Variants in BICDL2 observed in about 807,000 individuals in gnomAD.
BICDL2 encodes BICD family like cargo adaptor 2.
Under a neutral mutation model 56.6 loss-of-function variants are expected in BICDL2, and 62 were observed. That is an observed-to-expected ratio of 1.10 (90% CI 0.89 to 1.35). BICDL2 has a LOEUF of 1.35. Ranked by LOEUF, BICDL2 falls within the 40% of genes most tolerant of loss-of-function variation. The pLI, the probability that BICDL2 is intolerant of heterozygous loss-of-function variation, is 0.00. For missense variants in BICDL2, 808 were observed against 684.5 expected (o/e 1.18, Z -2.01); for synonymous variants, 358 against 319.8 (o/e 1.12, Z -1.27).
chr16:3,033,896 G>A (rs756861916), intron 2 of BICDL2, among the ~76,000 whole-genome samples: 5 of 152,176 alleles, frequency 3.3e-5, no homozygotes, highest in East Asian at 1.9e-4. Flanking sequence ...GCATGGAATC[G>A]AGTGCGTGGA....
Position 3,028,849 on chromosome 16 carries a change from G to A in BICDL2, c.1108-19C>T. On this transcript the variant is annotated intron_variant, in intron 7 of 9. Transcript: ENST00000572449. ...GCGAGATCTGTGAGCAGAGGAGGGG[G>A]GCCGTGCGGCAGATGGGCCAATGGG... is the stretch of plus-strand genomic sequence containing the variant. 6.5e-7 allele frequency: 1 copy of A among 1,532,932 alleles called. No individual in the cohort carries two copies. The highest frequency in any genetic ancestry group is 8.7e-7 in the Non-Finnish European group (1 of 1,142,876). The allele number at this position is 1,532,932 out of a possible 1,614,324, so 95.0% of individuals were successfully genotyped here.
At chr16:3,035,176 T>TTGCCCCGGGGGGGGGGGGGGGGG in intron 2 of BICDL2, 39 bp downstream of exon 2, 1 of 136,272 alleles carries the variant, frequency 7.3e-6, no homozygotes, top group Non-Finnish European at 1.4e-5. Context: ...CGTCCTCCCC[T>TTGCCCCGGGGGGGGGGGGGGGGG]GCCCACCCAC....
chr16:3,029,177 C>T, intron 7 of BICDL2, 103 bp downstream of exon 7: 2 of 1,424,608 alleles, frequency 1.4e-6, no homozygotes, highest in Non-Finnish European at 1.9e-6. Flanking sequence ...AAAGCCGATC[C>T]AGGTATAGGG....
At chr16:3,028,493 C>T (rs765589506) in intron 8 of BICDL2, 25 bp from the exon 9 acceptor site, 11 of 1,568,828 alleles carry the variant, frequency 7.0e-6, no homozygotes, top group East Asian at 2.3e-5. Context: ...GCAGAAGACG[C>T]GTTTGAGGGC....
Position 3,028,343 on chromosome 16 carries a change from C to T in BICDL2, c.1359+5G>A. On this transcript the variant is annotated splice_donor_5th_base_variant and intron_variant, in intron 9 of 9. Coordinates refer to ENST00000572449, the MANE Select transcript of BICDL2 (RefSeq NM_001369667.1). ...CCCGCCCCGCACACGGGCCCCGCCC[C>T]TCACCTGCCAGGCCTCCAGCTCCTG... 1 of 1,550,608 alleles carries T rather than the reference C, an allele frequency of 6.4e-7. No individual in the cohort carries two copies. The highest frequency in any genetic ancestry group is 2.4e-5 in the East Asian group (1 of 42,084).
chr16:3,030,143 CTT>C, intron 5 of BICDL2: 2 of 483,514 alleles, frequency 4.1e-6, no homozygotes, highest in East Asian at 3.5e-5. Context: ...ACCGCATCCT[CTT>C]TTCATTTCTT....
intron 5 of BICDL2, 63 bp downstream of exon 5, chr16:3,030,386 A>G: frequency 1.3e-6 from 2 of 1,556,350 alleles, no homozygotes; most frequent in Non-Finnish European, 8.7e-7. Context: ...CTCATCTCCC[A>G]GAAAGCCCTG....
chr16:3,033,795 G>GAAA (rs71391798), intron 2 of BICDL2, among the ~76,000 whole-genome samples: 2 of 148,802 alleles, frequency 1.3e-5, no homozygotes, highest in African/African-American at 2.5e-5. Context: ...TCCAAAAAAA[G>GAAA]AAAAAAAAAA....
At chr16:3,031,281 C>T in intron 2 of BICDL2, 131 bp from the exon 3 acceptor site, 3 of 741,732 alleles carry the variant, frequency 4.0e-6, no homozygotes, top group Non-Finnish European at 6.5e-6. Flanking sequence ...AAGACAGACA[C>T]AAAAGCAAGG....
intron 2 of BICDL2, among the ~76,000 whole-genome samples, chr16:3,034,590 G>A (rs138354574): frequency 6.7e-4 from 102 of 151,412 alleles, no homozygotes; most frequent in African/African-American, 2.2e-3. Context: ...CCTGAATCCA[G>A]GTCTTAATCC....
intron 1 of BICDL2, chr16:3,036,208 G>C (rs1447621774): frequency 2.2e-6 from 1 of 451,222 alleles, no homozygotes; most frequent in South Asian, 1.6e-5. Context: ...GGACTCAGGA[G>C]CCCTGACCCT....
At chr16:3,036,345 G>T (rs763143954) in intron 1 of BICDL2, 36 of 442,218 alleles carry the variant, frequency 8.1e-5, no homozygotes, top group African/African-American at 6.9e-4. Flanking sequence ...CCCTGGGGAC[G>T]GGAGCCCTGG....
In BICDL2 at chr16:3,028,274, C is replaced by G; in HGVS notation, c.1360-1G>C. The G allele has an allele frequency of 6.7e-7, 1 of 1,491,458 alleles. No homozygotes were observed. Among genetic ancestry groups the G allele is most frequent in the Non-Finnish European group, 8.8e-7 (1 of 1,134,090 alleles). The allele number at this position is 1,491,458 out of a possible 1,614,324, so 92.4% of individuals were successfully genotyped here. On this transcript the variant is annotated splice_acceptor_variant, in intron 9 of 9. Transcript: ENST00000572449. LOFTEE classifies it high-confidence loss of function. Reference sequence around the variant, plus strand: ...GCCCGATCACCACCTGCATGTCGTCCTGCGGGAGGCCGTGGTCGGCTCAGC... The same window carrying G: ...GCCCGATCACCACCTGCATGTCGTCGTGCGGGAGGCCGTGGTCGGCTCAGC...
chr16:3,031,799 C>T, intron 2 of BICDL2: 1 of 359,074 alleles, frequency 2.8e-6, no homozygotes, highest in East Asian at 4.0e-5. Flanking sequence ...CATTAGGGCT[C>T]TATCTGCATT....
chr16:3,028,687 G>C lies in BICDL2; in HGVS notation c.1238+13C>G. ...GAGGGCGCTGGGGCGGTGGTCAATG[G>C]CTTGAGGCTTACTTGTTCACGGCCT... On this transcript the variant is annotated intron_variant, in intron 8 of 9. Coordinates refer to ENST00000572449, the MANE Select transcript of BICDL2 (RefSeq NM_001369667.1). 6.4e-7 allele frequency: 1 copy of C among 1,568,614 alleles called. No homozygotes were observed. Among genetic ancestry groups the C allele is most frequent in the South Asian group, 1.2e-5 (1 of 85,338 alleles).
At chr16:3,036,476 C>G (rs766284985) in intron 1 of BICDL2, 1 of 456,406 alleles carries the variant, frequency 2.2e-6, no homozygotes, top group South Asian at 1.5e-5. Flanking sequence ...CACACCCGTG[C>G]TCTCCCTCCT....
intron 1 of BICDL2, chr16:3,035,917 G>T: frequency 3.4e-6 from 1 of 294,342 alleles, no homozygotes; most frequent in Non-Finnish European, 6.6e-6. Flanking sequence ...TCAGCAGTTG[G>T]AGTTGGGCCC....
At chr16:3,035,766 T>G in intron 1 of BICDL2, 4 of 515,122 alleles carry the variant, frequency 7.8e-6, no homozygotes, top group East Asian at 3.3e-5. Context: ...AGACAATCTC[T>G]GTCCCCAGGA....
chr16:3,030,979 C>A lies in BICDL2; in HGVS notation c.454G>T (p.Glu152Ter). The A allele has an allele frequency of 1.9e-6, 3 of 1,553,176 alleles. No individual in the cohort carries two copies. The South Asian group carries it at 3.5e-5, about 18-fold the overall frequency. ...AGCCGGAGGTTCTGCTCGCTGAGCT[C>A]GCTGAGGGCCCGTGCCCGTTCTCGC... The part of the protein sequence containing the change: ...SGRERARALS[E>*]LSEQNLRLSQ... The change falls in exon 3 of 10, where the codon GAG becomes TAG. Residue 152 changes from glutamate to a stop codon, truncating the protein, a stop_gained. Transcript: ENST00000572449. LOFTEE classifies it high-confidence loss of function.
Sources: gnomAD v4.1 joint callset for allele counts (sites outside exome capture counted in the v4.1 genomes callset) on GRCh38, gnomAD v4.1.1 for gene constraint, MANE v1.5 for transcripts, NCBI Gene and HGNC (gene_info 2026-07-23, HGNC 2026-07-21) for gene names.